The following KMT2C variants were observed in gnomAD, a reference collection of about 807,000 sequenced individuals.
KMT2C encodes lysine methyltransferase 2C, also known as histone-lysine N-methyltransferase 2C.
A neutral mutation model predicts 507.9 loss-of-function variants in KMT2C; 88 were observed. The observed-to-expected ratio is 0.17, with a 90% CI of 0.15 to 0.21. The LOEUF is 0.21. Ranked by LOEUF, KMT2C falls within the 10% of genes least tolerant of loss-of-function variation. The probability of loss-of-function intolerance (pLI) is 1.00; values close to 1 mark genes in which losing one functional copy is unlikely to be tolerated. For synonymous variants in KMT2C, 2,049 were observed against 2,080.8 expected, an observed-to-expected ratio of 0.98 and a Z score of 0.42; for missense variants, 4,954 against 5,957.8, an observed-to-expected ratio of 0.83 and a Z score of 5.55.
chr7:152,151,459 G>A lies in KMT2C; in HGVS notation c.12649C>T (p.Leu4217=), dbSNP rs200004824. The A allele has an allele frequency of 5.1e-5, 82 of 1,614,058 alleles. No individual in the cohort carries two copies. In the South Asian group the frequency reaches 5.2e-4, roughly 10 times the overall value. Residue 4217 remains leucine (L), a synonymous_variant, in exon 50 of 59, where the codon CTG becomes TTG. Transcript: ENST00000262189. The part of the protein sequence containing the change: ...GSGVRKSFKD[L]TLLNKDSRES... ...CAAAGTACCTTGTTCAAAAGGGTCA[G>A]ATCTTTGAAAGATTTCCGCACACCA...
At chr7:152,297,031 A>AAGAAAGAAAGAC (rs1563766322) in intron 6 of KMT2C, among the ~76,000 whole-genome samples, 1 of 97,430 alleles carries the variant, frequency 1.0e-5, no homozygotes, top group African/African-American at 5.2e-5. Context: ...GAAAGAAAGA[A>AAGAAAGAAAGAC]AGAAAGAAAG....
In KMT2C at chr7:152,177,782, T is replaced by A. The variant is rs2129115386; in HGVS notation, c.7671A>T (p.Ala2557=). The A allele has an allele frequency of 6.2e-7, 1 of 1,614,076 alleles. No individual in the cohort carries two copies. Residue 2557 remains alanine (A), a synonymous_variant, in exon 38 of 59, where the codon GCA becomes GCT. Coordinates refer to ENST00000262189, the MANE Select transcript of KMT2C (RefSeq NM_170606.3). ...PVQQHNILGQ[A]YIELRHRAPD... ...GAGCCCTATGTCTCAGTTCAATATA[T>A]GCTTGGCCCAGTATGTTGTGCTGCT...
intron 23 of KMT2C, among the ~76,000 whole-genome samples, chr7:152,213,111 G>A (rs2129141544): frequency 6.6e-6 from 1 of 152,316 alleles, no homozygotes; most frequent in South Asian, 2.1e-4. Flanking sequence ...TTGTAGATTG[G>A]AAGAATATTG....
intron 6 of KMT2C, among the ~76,000 whole-genome samples, chr7:152,309,198 A>G (rs2096647514): frequency 6.6e-6 from 1 of 152,186 alleles, no homozygotes; most frequent in South Asian, 2.1e-4. Flanking sequence ...GTATAAGCAT[A>G]GTGCAAAATT....
At chr7:152,296,575 A>G (rs1242502579) in intron 6 of KMT2C, among the ~76,000 whole-genome samples, 1 of 151,996 alleles carries the variant, frequency 6.6e-6, no homozygotes, top group Non-Finnish European at 1.5e-5. Flanking sequence ...TGAGAGTACA[A>G]TGCTTAGAGG....
intron 52 of KMT2C, among the ~76,000 whole-genome samples, chr7:152,147,219 T>A (rs1292189797): frequency 1.3e-5 from 2 of 152,202 alleles, no homozygotes; most frequent in East Asian, 3.8e-4. Flanking sequence ...TTGTGTACTT[T>A]CTACATAAGC....
At chr7:152,147,661 C>T (rs1043727041) in intron 52 of KMT2C, among the ~76,000 whole-genome samples, 10 of 144,608 alleles carry the variant, frequency 6.9e-5, no homozygotes, top group African/African-American at 1.8e-4. Context: ...GAACTGAGAT[C>T]GCGCCATTGC....
chr7:152,383,459 C>A (rs1250966637), intron 1 of KMT2C, among the ~76,000 whole-genome samples: 1 of 152,148 alleles, frequency 6.6e-6, no homozygotes, highest in Non-Finnish European at 1.5e-5. Context: ...TAGGCTGAAC[C>A]AGAAATCCTA....
intron 1 of KMT2C, among the ~76,000 whole-genome samples, chr7:152,394,043 T>G (rs542603345): frequency 8.5e-5 from 13 of 152,384 alleles, no homozygotes; most frequent in African/African-American, 3.1e-4. Context: ...TTTTCTCACA[T>G]GCCACATCCC....
Position 152,316,179 on chromosome 7 carries a change from G to C in KMT2C, c.390-841C>G, listed in dbSNP as rs1035947263. Reference sequence around the variant, plus strand: ...ACTGGAAGAAGGAAAGGGATGATTAGGAGCAAAGGGGATTTTTTAGGCCAG... The same window carrying C: ...ACTGGAAGAAGGAAAGGGATGATTACGAGCAAAGGGGATTTTTTAGGCCAG... On this transcript the variant is annotated intron_variant, in intron 3 of 58. Coordinates refer to ENST00000262189, the MANE Select transcript of KMT2C (RefSeq NM_170606.3). Among the ~76,000 whole-genome samples, 5 of 152,114 alleles carry C rather than the reference G, an allele frequency of 3.3e-5. 1 individual carries two copies. Among genetic ancestry groups the C allele is most frequent in the Admixed American group, 3.3e-4 (5 of 15,264 alleles).
chr7:152,327,925 T>G (rs2096844382), intron 3 of KMT2C, among the ~76,000 whole-genome samples: 2 of 138,844 alleles, frequency 1.4e-5, no homozygotes, highest in South Asian at 4.5e-4. Flanking sequence ...GCCACTGCAT[T>G]CCAGCCTGGG....
intron 6 of KMT2C, among the ~76,000 whole-genome samples, chr7:152,297,690 C>T (rs1005256275): frequency 2.6e-5 from 4 of 152,124 alleles, no homozygotes; most frequent in East Asian, 1.9e-4. Flanking sequence ...AAGAATGAAA[C>T]GGTTTATAAG....
intron 6 of KMT2C, among the ~76,000 whole-genome samples, chr7:152,289,810 C>T (rs978221029): frequency 3.9e-5 from 6 of 152,062 alleles, no homozygotes; most frequent in African/African-American, 1.4e-4. Context: ...CACTTGTAAT[C>T]CCAGCACTTT....
intron 1 of KMT2C, among the ~76,000 whole-genome samples, chr7:152,399,095 C>T (rs2097555574): frequency 6.6e-6 from 1 of 152,080 alleles, no homozygotes; most frequent in Non-Finnish European, 1.5e-5. Context: ...TCTCAAAGTG[C>T]TGGGATTTCA....
At chr7:152,201,617 G>GAAAAAAAAAAAAAAAAAA (rs745427209) in intron 26 of KMT2C, among the ~76,000 whole-genome samples, 3 of 22,906 alleles carry the variant, frequency 1.3e-4, no homozygotes, top group Non-Finnish European at 5.7e-4. Context: ...CAACAAAGAT[G>GAAAAAAAAAAAAAAAAAA]AAAAAAAAAA....
At chr7:152,139,903 C>G (rs1350254756) in intron 55 of KMT2C, 112 bp from the exon 56 acceptor site, 4 of 723,402 alleles carry the variant, frequency 5.5e-6, no homozygotes, top group Non-Finnish European at 9.5e-6. Flanking sequence ...TTAAGTTTCA[C>G]TTGAACTCAA....
rs566421837 is a variant in KMT2C at position 152,261,220 on chromosome 7, C to A, written c.1299+1796G>T. Among the ~76,000 whole-genome samples the A allele has an allele frequency of 1.3e-3, 201 of 152,390 alleles. 1 individual carries two copies. Among genetic ancestry groups the A allele is most frequent in the Non-Finnish European group, 1.8e-3 (125 of 68,040 alleles). On this transcript the variant is annotated intron_variant, in intron 9 of 58. Transcript: ENST00000262189. The stretch of plus-strand genomic sequence containing the variant: ...GTGTCAGGCAAAGCAAAATACCTGC[C>A]CTTCCTGATCCCTCAACAAAAAACA...
chr7:152,198,277 G>A (rs1015137315), intron 27 of KMT2C, among the ~76,000 whole-genome samples: 16 of 152,322 alleles, frequency 1.1e-4, no homozygotes, highest in Non-Finnish European at 2.1e-4. Flanking sequence ...CCAACACGGG[G>A]TAAGATTGCT....
chr7:152,203,131 A>G, intron 25 of KMT2C, 67 bp from the exon 26 acceptor site: 5 of 1,272,698 alleles, frequency 3.9e-6, no homozygotes, highest in Non-Finnish European at 5.5e-6. Context: ...ACTGAAGGTA[A>G]TTTTATACCT....
Sources: gnomAD v4.1 joint callset for allele counts (sites outside exome capture counted in the v4.1 genomes callset) on GRCh38, gnomAD v4.1.1 for gene constraint, MANE v1.5 for transcripts, NCBI Gene and HGNC (gene_info 2026-07-23, HGNC 2026-07-21) for gene names.